The following EHBP1 variants were observed in gnomAD, a reference collection of about 807,000 sequenced individuals.
EHBP1 encodes EH domain-binding protein 1.
EHBP1 carries 55 observed loss-of-function variants against 144.0 expected under a neutral mutation model. That is an observed-to-expected ratio of 0.38 (90% CI 0.31 to 0.48). EHBP1 has a LOEUF of 0.48. Among genes scored for constraint, EHBP1 ranks in the 20% least tolerant of loss-of-function variants. The pLI is 0.98. For missense variants in EHBP1, 1,200 were observed against 1,364.2 expected, an observed-to-expected ratio of 0.88 and a Z score of 1.90; for synonymous variants, 469 against 472.7, an observed-to-expected ratio of 0.99 and a Z score of 0.10.
intron 5 of EHBP1, among the ~76,000 whole-genome samples, chr2:62,821,830 T>C (rs2046004784): frequency 6.6e-6 from 1 of 152,198 alleles, no homozygotes; most frequent in Non-Finnish European, 1.5e-5. Flanking sequence ...TTTTTAAGTA[T>C]AATTTTTTAT....
intron 3 of EHBP1, among the ~76,000 whole-genome samples, chr2:62,759,386 T>C (rs1322089636): frequency 1.3e-5 from 2 of 152,160 alleles, no homozygotes; most frequent in African/African-American, 2.4e-5. Flanking sequence ...ATAGTGCTGA[T>C]GTTTGCCAAT....
intron 19 of EHBP1, among the ~76,000 whole-genome samples, chr2:63,001,010 C>G (rs1418679226): frequency 6.6e-6 from 1 of 152,106 alleles, no homozygotes; most frequent in African/African-American, 2.4e-5. Context: ...AATGTTGTAA[C>G]CCATGAAAAA....
intron 13 of EHBP1, among the ~76,000 whole-genome samples, chr2:62,954,899 CTG>C (rs2057602644): frequency 6.6e-6 from 1 of 152,136 alleles, no homozygotes; most frequent in African/African-American, 2.4e-5. Context: ...TGGACAGTAT[CTG>C]TTGTTCTCCA....
chr2:62,749,558 C>T (rs2039477603), intron 3 of EHBP1, among the ~76,000 whole-genome samples: 1 of 152,172 alleles, frequency 6.6e-6, no homozygotes, highest in African/African-American at 2.4e-5. Context: ...GAGGAATCGC[C>T]ACACTGACTT....
rs192765722 is a variant in EHBP1 at position 62,806,594 on chromosome 2, T to C, written c.313-19493T>C. The stretch of plus-strand genomic sequence containing the variant: ...GCCTAGCTGATCTTGAACTCCTGGG[T>C]TCAAGCAATCCTCTTGCCTCGGCTT... On this transcript the variant is annotated intron_variant, in intron 5 of 22. Coordinates refer to ENST00000431489, the MANE Select transcript of EHBP1 (RefSeq NM_001142616.3). Among the ~76,000 whole-genome samples, 313 of 152,156 alleles carry C rather than the reference T, an allele frequency of 2.1e-3. 3 individuals are homozygous for C. The highest frequency in any genetic ancestry group is 6.6e-3 in the African/African-American group (274 of 41,506).
chr2:62,950,300 C>G (rs1329566061), intron 13 of EHBP1, among the ~76,000 whole-genome samples: 2 of 152,144 alleles, frequency 1.3e-5, no homozygotes, highest in Non-Finnish European at 2.9e-5. Flanking sequence ...TTGCCTTTAT[C>G]ACTCTCATTC....
In EHBP1 at chr2:62,935,147, G is replaced by A. The variant is rs187073884; in HGVS notation, c.1186-7571G>A. ...GATGGAGACCATCCTGGCCAACATGGTGAAACCGTGTCTCTACTAAAAATA... is the reference window on the plus strand; with the variant it reads ...GATGGAGACCATCCTGGCCAACATGATGAAACCGTGTCTCTACTAAAAATA... On this transcript the variant is annotated intron_variant, in intron 10 of 22. Coordinates refer to ENST00000431489, the MANE Select transcript of EHBP1 (RefSeq NM_001142616.3). Among the ~76,000 whole-genome samples, 3 of 151,946 alleles carry A rather than the reference G, an allele frequency of 2.0e-5. 1 individual carries two copies. The East Asian group carries it at 5.8e-4, about 29-fold the overall frequency.
At chr2:62,682,559 T>C (rs767718354) in intron 1 of EHBP1, among the ~76,000 whole-genome samples, 1 of 152,314 alleles carries the variant, frequency 6.6e-6, no homozygotes, top group Non-Finnish European at 1.5e-5. Context: ...GAGGATATCA[T>C]TGGGTTCTAT....
intron 5 of EHBP1, among the ~76,000 whole-genome samples, chr2:62,798,958 C>T (rs1008496162): frequency 3.0e-5 from 4 of 132,986 alleles, no homozygotes; most frequent in Admixed American, 9.1e-5. Context: ...GAGCCGAGAT[C>T]GTGCCACTGC....
At chr2:62,726,961 C>G (rs908837641) in intron 2 of EHBP1, among the ~76,000 whole-genome samples, 6 of 152,056 alleles carry the variant, frequency 3.9e-5, no homozygotes, top group Non-Finnish European at 7.4e-5. Context: ...CTCCCAGGTT[C>G]AAGCAATTCT....
Position 63,045,586 on chromosome 2 carries a change from C to A in EHBP1, c.*86C>A. 1 of 1,146,648 alleles carries A rather than the reference C, an allele frequency of 8.7e-7. No individual in the cohort carries two copies. The highest frequency in any genetic ancestry group is 1.3e-6 in the Non-Finnish European group (1 of 785,886). 71.0% of individuals were successfully genotyped at this position (1,146,648 alleles called of 1,614,324 possible). Reference sequence around the variant, plus strand: ...AGTCAGACTCATTGTTGATTTAAAACTTTTAACATTTTGTTTGGCTGGATT... The same window carrying A: ...AGTCAGACTCATTGTTGATTTAAAAATTTTAACATTTTGTTTGGCTGGATT... On this transcript the variant is annotated 3_prime_UTR_variant, in exon 23 of 23. Coordinates refer to ENST00000431489, the MANE Select transcript of EHBP1 (RefSeq NM_001142616.3). The surrounding 1 kb of genome is among the most constrained non-coding windows in gnomAD (Gnocchi z 5.7).
chr2:62,753,750 C>A (rs569429411), intron 3 of EHBP1, among the ~76,000 whole-genome samples: 1 of 152,294 alleles, frequency 6.6e-6, no homozygotes, highest in Admixed American at 6.5e-5. Context: ...AATTGACCTG[C>A]AATCACTGAT....
In EHBP1 at chr2:62,831,147, C is replaced by T. The variant is rs776898131; in HGVS notation, c.623C>T (p.Ala208Val). The change falls in exon 7 of 23, where the codon GCT becomes GTT. Residue 208 changes from alanine to valine, a missense_variant. Physicochemically the swap from Ala to Val is moderately conservative, Grantham distance 64. Around this residue, in one of 6 missense-constraint regions of EHBP1, gnomAD observed 266 missense variants for 262.4 expected, o/e 1.01. Coordinates refer to ENST00000431489, the MANE Select transcript of EHBP1 (RefSeq NM_001142616.3). Reference sequence around the variant, plus strand: ...AGAGTGAACCAAGAAGAAAAGGCAGCTAAAATTACAGGTTGGTTTTATTAG... The same window carrying T: ...AGAGTGAACCAAGAAGAAAAGGCAGTTAAAATTACAGGTTGGTTTTATTAG... ...ENRVNQEEKA[A>V]KITELINKLN... is the part of the protein sequence containing the mutation. 1.9e-6 allele frequency: 3 copies of T among 1,594,062 alleles called. No homozygotes were observed. Among genetic ancestry groups the T allele is most frequent in the Non-Finnish European group, 2.6e-6 (3 of 1,173,396 alleles).
At chr2:62,823,491 C>T (rs2046133112) in intron 5 of EHBP1, among the ~76,000 whole-genome samples, 1 of 151,994 alleles carries the variant, frequency 6.6e-6, no homozygotes, top group African/African-American at 2.4e-5. Flanking sequence ...CTGGCTGATC[C>T]CTAGTCCCTT....
intron 2 of EHBP1, among the ~76,000 whole-genome samples, chr2:62,712,379 T>C (rs1340235014): frequency 6.6e-6 from 1 of 152,120 alleles, no homozygotes; most frequent in Non-Finnish European, 1.5e-5. Context: ...AGGTATGAAG[T>C]TGTCAAAGTG....
chr2:62,728,611 A>G (rs564792764), intron 2 of EHBP1, among the ~76,000 whole-genome samples: 2 of 152,014 alleles, frequency 1.3e-5, no homozygotes, highest in East Asian at 3.9e-4. Flanking sequence ...TTAGTGTTGT[A>G]AGAATTCTTT....
chr2:62,842,588 C>G (rs1408247980), intron 7 of EHBP1, among the ~76,000 whole-genome samples: 2 of 152,132 alleles, frequency 1.3e-5, no homozygotes, highest in African/African-American at 2.4e-5. Flanking sequence ...GTCTGAGAAG[C>G]CTTTGATGCC....
At chr2:62,988,120 T>C in intron 15 of EHBP1, 1 of 793,938 alleles carries the variant, frequency 1.3e-6, no homozygotes, top group Non-Finnish European at 2.1e-6. Flanking sequence ...TCAATAATAA[T>C]AATAATTTTG....
At chr2:62,774,919 T>TG (rs2041951804) in intron 5 of EHBP1, among the ~76,000 whole-genome samples, 2 of 152,124 alleles carry the variant, frequency 1.3e-5, no homozygotes, top group Admixed American at 1.3e-4. Flanking sequence ...CTCATATGTG[T>TG]GTGTGTGAGA....
Sources: allele counts gnomAD v4.1 joint callset (sites outside exome capture counted in the v4.1 genomes callset), GRCh38; gene constraint gnomAD v4.1.1; regional missense constraint gnomAD v4.1.1; non-coding constraint Gnocchi (gnomAD v3.1); transcripts MANE v1.5; gene names NCBI Gene and HGNC (gene_info 2026-07-23, HGNC 2026-07-21).